The following FAM153A variants were observed in gnomAD, a reference collection of about 807,000 sequenced individuals.
FAM153A encodes the protein family with sequence similarity 153 member A, also known as protein FAM153A.
In FAM153A, 12 loss-of-function variants were observed where a neutral mutation model predicts 48.1. The ratio of observed to expected loss-of-function variants is 0.25; its 90% confidence interval spans 0.16 to 0.40. The LOEUF (loss-of-function observed/expected upper bound fraction) is 0.40. FAM153A is among the 10% of genes least tolerant of loss of function. The pLI is 1.00. For synonymous variants in FAM153A, 36 were observed against 118.2 expected (o/e 0.30, Z 4.51); for missense variants, 111 against 345.8 (o/e 0.32, Z 5.38).
At chr5:177,716,964 A>AGTGTGTGTGTTT (rs1554136848) in intron 24 of FAM153A, among the ~76,000 whole-genome samples, 1 of 127,652 alleles carries the variant, frequency 7.8e-6, no homozygotes, top group African/African-American at 3.1e-5. Flanking sequence ...ATTCCCGCTT[A>AGTGTGTGTGTTT]GTGTGTGTGT....
the FAM153A span, among the ~76,000 whole-genome samples, chr5:177,701,625 A>G: frequency 2.0e-5 from 3 of 151,826 alleles, no homozygotes; most frequent in African/African-American, 7.3e-5. Context: ...ATTTCTTTAT[A>G]GCAATACAAG....
chr5:177,753,757 T>C (rs1475967906), upstream of FAM153A, among the ~76,000 whole-genome samples: 1 of 151,194 alleles, frequency 6.6e-6, no homozygotes, highest in Non-Finnish European at 1.5e-5. Flanking sequence ...AAGATATGAT[T>C]CAGTACAACT....
chr5:177,698,888 A>G, the FAM153A span, among the ~76,000 whole-genome samples: 1 of 151,628 alleles, frequency 6.6e-6, no homozygotes, highest in Non-Finnish European at 1.5e-5. Context: ...GAACTCCTGA[A>G]CTCAAGTGAT....
chr5:177,725,852 C>T (rs1762350028), intron 18 of FAM153A, among the ~76,000 whole-genome samples: 2 of 152,086 alleles, frequency 1.3e-5, no homozygotes, highest in Middle Eastern at 6.8e-3. Context: ...TTCCTGCCAG[C>T]CACAGAGGGC....
chr5:177,757,326 C>A (rs1249854672), upstream of FAM153A, among the ~76,000 whole-genome samples: 4 of 107,970 alleles, frequency 3.7e-5, no homozygotes, highest in Non-Finnish European at 7.5e-5. Context: ...GAAATTGAGG[C>A]AATAATTAAT....
chr5:177,764,782 G>C (rs1164941849), intron 1 of FAM153A, among the ~76,000 whole-genome samples: 1 of 150,766 alleles, frequency 6.6e-6, no homozygotes, highest in Non-Finnish European at 1.5e-5. Flanking sequence ...AGACAAATGA[G>C]GATGGCTGGG....
downstream of FAM153A, among the ~76,000 whole-genome samples, chr5:177,704,623 C>A (rs1343957531): frequency 6.6e-6 from 1 of 151,552 alleles, no homozygotes; most frequent in Non-Finnish European, 1.5e-5. Context: ...ATCATGGAGG[C>A]AGTTTCTCAT....
chr5:177,728,562 T>G (rs1763094339), intron 18 of FAM153A, among the ~76,000 whole-genome samples: 1 of 141,484 alleles, frequency 7.1e-6, no homozygotes. Flanking sequence ...TGTTTTTTTT[T>G]TTGTTTGTTT....
chr5:177,754,211 T>G (rs1451331613), upstream of FAM153A, among the ~76,000 whole-genome samples: 2 of 151,926 alleles, frequency 1.3e-5, no homozygotes, highest in African/African-American at 2.4e-5. Context: ...GCTCGGAGGG[T>G]CCTATGCCCA....
the FAM153A span, among the ~76,000 whole-genome samples, chr5:177,702,133 C>T: frequency 3.9e-5 from 6 of 151,918 alleles, 1 homozygote; most frequent in Middle Eastern, 6.8e-3. Flanking sequence ...TGGTCTCGAT[C>T]TCCTGACCTC....
chr5:177,697,724 G>A, the FAM153A span, among the ~76,000 whole-genome samples: 127 of 151,770 alleles, frequency 8.4e-4, 1 homozygote, highest in Non-Finnish European at 1.3e-4. Flanking sequence ...TGAGGATTGG[G>A]GGACTCTGCC....
chr5:177,728,156 A>G (rs1294747522), intron 18 of FAM153A, among the ~76,000 whole-genome samples: 1 of 100,606 alleles, frequency 9.9e-6, no homozygotes, highest in Non-Finnish European at 2.1e-5. Context: ...TCATGGCATT[A>G]ACCTTCCACT....
At chr5:177,779,991 G>GCC (rs1769528598) in intron 1 of FAM153A, among the ~76,000 whole-genome samples, 1 of 71,920 alleles carries the variant, frequency 1.4e-5, no homozygotes, top group South Asian at 5.1e-4. Flanking sequence ...TGGAATCAGA[G>GCC]CCCCTAACCC....
the FAM153A span, among the ~76,000 whole-genome samples, chr5:177,701,850 G>C: frequency 6.6e-6 from 1 of 151,790 alleles, no homozygotes; most frequent in Non-Finnish European, 1.5e-5. Context: ...GACAGTGAAG[G>C]CCAGGCTGAT....
chr5:177,768,853 C>G (rs1297169421), intron 1 of FAM153A, among the ~76,000 whole-genome samples: 1 of 112,538 alleles, frequency 8.9e-6, no homozygotes, highest in Non-Finnish European at 1.9e-5. Flanking sequence ...CAAGGCCTGA[C>G]TATCTAGGAT....
the FAM153A span, among the ~76,000 whole-genome samples, chr5:177,698,264 A>T: frequency 6.6e-6 from 1 of 151,884 alleles, no homozygotes; most frequent in Non-Finnish European, 1.5e-5. Context: ...AATCATCATC[A>T]TTACTTTTAT....
At chr5:177,716,784 G>A (rs897070739) in intron 24 of FAM153A, among the ~76,000 whole-genome samples, 2 of 151,854 alleles carry the variant, frequency 1.3e-5, no homozygotes, top group African/African-American at 4.9e-5. Flanking sequence ...AAAATCAAGA[G>A]GACTAATAGA....
chr5:177,708,287 T>TTTAAAAGTGC (rs1554133026), downstream of FAM153A, among the ~76,000 whole-genome samples: 2 of 95,720 alleles, frequency 2.1e-5, no homozygotes, highest in Non-Finnish European at 2.1e-5. Flanking sequence ...GGTGCTCTCT[T>TTTAAAAGTGC]TTTCATGGGC....
At chr5:177,699,346 G>A in the FAM153A span, among the ~76,000 whole-genome samples, 2 of 150,950 alleles carry the variant, frequency 1.3e-5, no homozygotes, top group South Asian at 2.1e-4. Context: ...TGTGCAAAGT[G>A]GAAATAAATG....
Sources: gnomAD v4.1 joint callset for allele counts (sites outside exome capture counted in the v4.1 genomes callset) on GRCh38, gnomAD v4.1.1 for gene constraint, MANE v1.5 for transcripts, NCBI Gene and HGNC (gene_info 2026-07-23, HGNC 2026-07-21) for gene names.